TENM4: variants seen among roughly 807,000 people sequenced by gnomAD.
TENM4 encodes teneurin transmembrane protein 4.
In TENM4, 82 loss-of-function variants were observed where a neutral mutation model predicts 243.3. The observed-to-expected ratio is 0.34, with a 90% CI of 0.28 to 0.40. The LOEUF (loss-of-function observed/expected upper bound fraction) is 0.40, where lower values mean the gene tolerates loss of function less well. Ranked by LOEUF, TENM4 falls within the 10% of genes least tolerant of loss-of-function variation. The probability of loss-of-function intolerance (pLI) is 1.00; values close to 1 mark genes in which losing one functional copy is unlikely to be tolerated. For missense variants in TENM4, 3,138 were observed against 3,673.3 expected, an observed-to-expected ratio of 0.85 and a Z score of 3.77; for synonymous variants, 1,412 against 1,456.3, an observed-to-expected ratio of 0.97 and a Z score of 0.69.
At chr11:78,838,470 G>A (rs572646200) in intron 12 of TENM4, among the ~76,000 whole-genome samples, 57 of 152,202 alleles carry the variant, frequency 3.7e-4, no homozygotes, top group African/African-American at 1.3e-3. Flanking sequence ...GTGCTTAAAA[G>A]TCCTCTTCGA....
intron 6 of TENM4, among the ~76,000 whole-genome samples, chr11:78,933,698 A>G (rs529074548): frequency 6.6e-6 from 1 of 152,290 alleles, no homozygotes; most frequent in South Asian, 2.1e-4. Flanking sequence ...AGTGCAAGGT[A>G]GTTGCACTGG....
At chr11:79,228,355 C>T (rs1175923271) in intron 2 of TENM4, among the ~76,000 whole-genome samples, 1 of 152,182 alleles carries the variant, frequency 6.6e-6, no homozygotes, top group Middle Eastern at 3.2e-3. Context: ...CCAAGTGTCC[C>T]AGACCAATGT....
chr11:78,798,809 A>ATC (rs1857220916), intron 15 of TENM4, among the ~76,000 whole-genome samples: 2 of 152,002 alleles, frequency 1.3e-5, no homozygotes, highest in Middle Eastern at 3.4e-3. Flanking sequence ...TGGCTCACAG[A>ATC]TCTCTGGCTG....
chr11:78,916,671 G>A (rs1041822079), intron 6 of TENM4, among the ~76,000 whole-genome samples: 1 of 152,158 alleles, frequency 6.6e-6, no homozygotes, highest in Admixed American at 6.5e-5. Flanking sequence ...CATCTTCAGA[G>A]GAACAGTATA....
intron 4 of TENM4, among the ~76,000 whole-genome samples, chr11:79,108,669 GACA>G (rs1861432070): frequency 6.6e-6 from 1 of 152,072 alleles, no homozygotes; most frequent in African/African-American, 2.4e-5. Context: ...CTGAGAAGGA[GACA>G]ACATCATTCA....
intron 1 of TENM4, among the ~76,000 whole-genome samples, chr11:79,331,142 G>C (rs1271903422): frequency 1.3e-5 from 2 of 152,184 alleles, no homozygotes; most frequent in Admixed American, 1.3e-4. Context: ...TGGCTGCCTT[G>C]CTGAGAAAAG....
intron 6 of TENM4, among the ~76,000 whole-genome samples, chr11:78,981,956 G>A (rs1183522424): frequency 6.6e-6 from 1 of 152,082 alleles, no homozygotes; most frequent in African/African-American, 2.4e-5. Flanking sequence ...CACATCTCCT[G>A]CATGCCCCGT....
chr11:78,823,304 C>T (rs999313059), intron 12 of TENM4, among the ~76,000 whole-genome samples: 1 of 152,216 alleles, frequency 6.6e-6, no homozygotes, highest in South Asian at 2.1e-4. Flanking sequence ...AACACCTCGC[C>T]CCGTTCCCAC....
intron 6 of TENM4, among the ~76,000 whole-genome samples, chr11:78,998,517 A>G (rs1858232664): frequency 6.6e-6 from 1 of 152,112 alleles, no homozygotes; most frequent in Admixed American, 6.6e-5. Context: ...TTTTCTGGAA[A>G]TTGACAAAAG....
intron 1 of TENM4, among the ~76,000 whole-genome samples, chr11:79,339,778 G>A (rs1857212219): frequency 6.6e-6 from 1 of 152,122 alleles, no homozygotes; most frequent in Non-Finnish European, 1.5e-5. Context: ...GAAAAGGGAG[G>A]AGAGGGAAAG....
intron 1 of TENM4, among the ~76,000 whole-genome samples, chr11:79,416,933 T>G (rs1287461253): frequency 6.6e-6 from 1 of 152,208 alleles, no homozygotes; most frequent in Admixed American, 6.5e-5. Context: ...ATCAACGCTT[T>G]CTTGCCACTC....
chr11:79,409,523 T>C (rs1281168649), intron 1 of TENM4, among the ~76,000 whole-genome samples: 2 of 152,168 alleles, frequency 1.3e-5, no homozygotes, highest in Admixed American at 1.3e-4. Flanking sequence ...ACTTTAACTC[T>C]TGGAGCTGCA....
chr11:78,964,761 C>G (rs1857404145), intron 6 of TENM4, among the ~76,000 whole-genome samples: 1 of 152,154 alleles, frequency 6.6e-6, no homozygotes, highest in Non-Finnish European at 1.5e-5. Context: ...TCTTGGGGTA[C>G]AGTGCACTTG....
At chr11:79,038,613 G>C (rs1416622978) in intron 6 of TENM4, among the ~76,000 whole-genome samples, 2 of 152,194 alleles carry the variant, frequency 1.3e-5, no homozygotes, top group Non-Finnish European at 2.9e-5. Flanking sequence ...AGGCAGTTGA[G>C]CTCTCTCTGA....
rs113144339 is a variant in TENM4, at chr11:79,113,392, G to GGTGTGTGTGTGTGTGTGTGT, written c.-66+35298_-66+35317dup. 7.6e-4 allele frequency among the ~76,000 whole-genome samples: 111 copies of GGTGTGTGTGTGTGTGTGTGT among 145,176 alleles called. 1 individual carries two copies. The highest frequency in any genetic ancestry group is 1.2e-3 in the South Asian group (5 of 4,266). ...GAGTTACTCCCCCGCCTATTGGATT[G>GGTGTGTGTGTGTGTGTGTGT]GTGTGTGTGTGTGTGTGTGTGTGTG... is the stretch of plus-strand genomic sequence containing the variant. On this transcript the variant is annotated intron_variant, in intron 4 of 33. Coordinates refer to ENST00000278550, the MANE Select transcript of TENM4 (RefSeq NM_001098816.3).
chr11:79,211,246 AG>A (rs1863949543), intron 3 of TENM4, among the ~76,000 whole-genome samples: 1 of 152,206 alleles, frequency 6.6e-6, no homozygotes, highest in Non-Finnish European at 1.5e-5. Context: ...CAAAGGCCTA[AG>A]GTCTCCCTAC....
In TENM4 at chr11:78,720,364, G is replaced by A; in HGVS notation, c.3821+6C>T. 6.2e-7 allele frequency: 1 copy of A among 1,613,886 alleles called. No homozygotes were observed. Among genetic ancestry groups the A allele is most frequent in the Non-Finnish European group, 8.5e-7 (1 of 1,179,846 alleles). ...GAGGCAGGAAATTCTCCACTGGTTG[G>A]CTTACCTATGTCTGAAATCTTTATT... On this transcript the variant is annotated splice_donor_region_variant and intron_variant, in intron 25 of 33. Coordinates refer to ENST00000278550, the MANE Select transcript of TENM4 (RefSeq NM_001098816.3).
In TENM4 at chr11:79,422,637, T is replaced by A. The variant is rs145526129; in HGVS notation, c.-321+17872A>T. Among the ~76,000 whole-genome samples the A allele has an allele frequency of 2.0e-5, 3 of 152,240 alleles. No homozygotes were observed. The East Asian group carries it at 5.8e-4, about 29-fold the overall frequency. On this transcript the variant is annotated intron_variant, in intron 1 of 33. Coordinates refer to ENST00000278550, the MANE Select transcript of TENM4 (RefSeq NM_001098816.3). ...AGAGGCCAGCTGAGAAAGAAAAATGTTAAATAATTCAGAAGCACTAACATC... is the reference window on the plus strand; with the variant it reads ...AGAGGCCAGCTGAGAAAGAAAAATGATAAATAATTCAGAAGCACTAACATC...
intron 3 of TENM4, among the ~76,000 whole-genome samples, chr11:79,164,548 TCTATATACTATATATA>T (rs1202717115): frequency 5.5e-5 from 8 of 144,708 alleles, no homozygotes; most frequent in Non-Finnish European, 9.0e-5. Flanking sequence ...ACTATATATA[TCTATATACTATATATA>T]CTATATACTA....
Sources: allele counts gnomAD v4.1 joint callset (sites outside exome capture counted in the v4.1 genomes callset), GRCh38; gene constraint gnomAD v4.1.1; transcripts MANE v1.5; gene names NCBI Gene and HGNC (gene_info 2026-07-23, HGNC 2026-07-21).